The following PTPN3 variants were observed in gnomAD, a reference collection of about 807,000 sequenced individuals.
PTPN3 encodes the protein protein tyrosine phosphatase non-receptor type 3, also known as tyrosine-protein phosphatase non-receptor type 3.
Under a neutral mutation model 132.7 loss-of-function variants are expected in PTPN3, and 96 were observed. The ratio of observed to expected loss-of-function variants is 0.72; its 90% CI spans 0.61 to 0.86. The LOEUF is 0.86. Ranked by LOEUF, PTPN3 falls within the 40% of genes least tolerant of loss-of-function variation. The pLI, the probability that PTPN3 is intolerant of heterozygous loss-of-function variation, is 0.00. For missense variants in PTPN3, 1,125 were observed against 1,159.6 expected, an observed-to-expected ratio of 0.97 and a Z score of 0.43; for synonymous variants, 398 against 429.0, an observed-to-expected ratio of 0.93 and a Z score of 0.89.
At chr9:109,533,606 C>T in the PTPN3 span, 1 of 1,545,234 alleles carries the variant, frequency 6.5e-7, no homozygotes, top group East Asian at 2.2e-5. Context: ...GAATCGTGGT[C>T]TATATCCCTG....
chr9:109,499,195 A>G (rs775072560), upstream of PTPN3, among the ~76,000 whole-genome samples: 5 of 152,086 alleles, frequency 3.3e-5, no homozygotes, highest in East Asian at 1.9e-4. Context: ...TTAGAAAGTG[A>G]TAAGTTCTAA....
the PTPN3 span, among the ~76,000 whole-genome samples, chr9:109,525,987 A>C: frequency 6.6e-6 from 1 of 152,216 alleles, no homozygotes; most frequent in Non-Finnish European, 1.5e-5. Context: ...GAAGTTTATA[A>C]AGTATTTGAT....
At chr9:109,514,421 G>C in the PTPN3 span, among the ~76,000 whole-genome samples, 16 of 152,328 alleles carry the variant, frequency 1.1e-4, no homozygotes, top group South Asian at 3.1e-3. Flanking sequence ...CTTCTCTTGG[G>C]AAGTGAGAAT....
At chr9:109,532,854 C>G in the PTPN3 span, 1 of 1,061,522 alleles carries the variant, frequency 9.4e-7, no homozygotes. Context: ...CCTGCTTAGC[C>G]TCGGGAGCGG....
intron 20 of PTPN3, 115 bp downstream of exon 20, chr9:109,391,356 C>T (rs1388510798): frequency 1.4e-5 from 18 of 1,295,764 alleles, no homozygotes; most frequent in Admixed American, 1.3e-4. Flanking sequence ...GCAATAAAGA[C>T]GGTGGTGTTT....
At chr9:109,456,848 C>T (rs1487146016) in intron 4 of PTPN3, among the ~76,000 whole-genome samples, 3 of 152,168 alleles carry the variant, frequency 2.0e-5, no homozygotes, top group African/African-American at 7.2e-5. Context: ...TCTCTCTTGT[C>T]CACCCTGGCT....
chr9:109,439,940 A>T (rs1008903347), intron 7 of PTPN3, among the ~76,000 whole-genome samples: 3 of 151,902 alleles, frequency 2.0e-5, no homozygotes, highest in Non-Finnish European at 4.4e-5. Context: ...GGAAGATGCA[A>T]AGGTTATGTT....
At chr9:109,391,665 G>C in intron 19 of PTPN3, 104 bp from the exon 20 acceptor site, 4 of 898,482 alleles carry the variant, frequency 4.5e-6, no homozygotes, top group Non-Finnish European at 5.0e-6. Context: ...ACATTTTAAA[G>C]TGATTATGTG....
intron 8 of PTPN3, 92 bp downstream of exon 8, chr9:109,438,021 CA>C (rs1564441649): frequency 2.1e-5 from 29 of 1,396,332 alleles, no homozygotes; most frequent in Non-Finnish European, 2.8e-5. Flanking sequence ...GATTCATGCA[CA>C]AAAGAAAGAG....
At chr9:109,498,633 G>T (rs1489885060), upstream of PTPN3, among the ~76,000 whole-genome samples, 1 of 152,186 alleles carries the variant, frequency 6.6e-6, no homozygotes, top group African/African-American at 2.4e-5. This position sits in a 1 kb window ranked among gnomAD's most constrained non-coding sequence, Gnocchi z 4.2. Flanking sequence ...GAGGAGTCTT[G>T]CACGACGGGT....
chr9:109,449,564 G>A (rs968968419), intron 5 of PTPN3: 2 of 985,398 alleles, frequency 2.0e-6, no homozygotes, highest in Non-Finnish European at 2.4e-6. Context: ...TCTGCCTGGG[G>A]AGCGGGGAAA....
At chr9:109,402,735 G>GA (rs397788010) in intron 19 of PTPN3, among the ~76,000 whole-genome samples, 1 of 288 alleles carries the variant, frequency 3.5e-3, no homozygotes, top group Non-Finnish European at 7.4e-3. Flanking sequence ...ATTTGCATAA[G>GA]TACATAATTT....
chr9:109,433,727 G>A (rs1018114083), intron 9 of PTPN3, among the ~76,000 whole-genome samples: 3 of 152,054 alleles, frequency 2.0e-5, no homozygotes, highest in African/African-American at 7.2e-5. Context: ...GCAACATGGC[G>A]AAACTCTGTC....
At chr9:109,489,279 G>C (rs867301118) in intron 1 of PTPN3, among the ~76,000 whole-genome samples, 5 of 152,192 alleles carry the variant, frequency 3.3e-5, no homozygotes, top group African/African-American at 1.2e-4. Flanking sequence ...GCTGACAAAA[G>C]GCCGGTGTGG....
intron 5 of PTPN3, 73 bp from the exon 6 acceptor site, chr9:109,448,928 A>AG: frequency 1.3e-6 from 2 of 1,535,632 alleles, no homozygotes; most frequent in Non-Finnish European, 1.7e-6. Context: ...AGAAAGTTTG[A>AG]TGAGTCAAAG....
At chr9:109,533,874 C>T in the PTPN3 span, 1 of 769,880 alleles carries the variant, frequency 1.3e-6, no homozygotes, top group South Asian at 1.5e-5. Flanking sequence ...GGTGGAGGAC[C>T]CCTACGACGT....
chr9:109,456,737 A>G (rs565980127), intron 4 of PTPN3, among the ~76,000 whole-genome samples: 2 of 152,260 alleles, frequency 1.3e-5, no homozygotes, highest in Admixed American at 6.5e-5. Context: ...GGAAGACTTA[A>G]TCTTTTATAT....
At chr9:109,466,983 T>G (rs190665114) in intron 1 of PTPN3, among the ~76,000 whole-genome samples, 186 of 152,224 alleles carry the variant, frequency 1.2e-3, no homozygotes, top group Admixed American at 2.2e-3. Context: ...ACCTCCCTTC[T>G]TCCTTAGATA....
intron 5 of PTPN3, chr9:109,449,977 G>T: frequency 1.0e-6 from 1 of 984,562 alleles, no homozygotes; most frequent in Non-Finnish European, 1.2e-6. Context: ...AACTCTGTAA[G>T]GTAGGTACCA....
Sources: allele counts gnomAD v4.1 joint callset (sites outside exome capture counted in the v4.1 genomes callset), GRCh38; gene constraint gnomAD v4.1.1; non-coding constraint Gnocchi (gnomAD v3.1); transcripts MANE v1.5; gene names NCBI Gene and HGNC (gene_info 2026-07-23, HGNC 2026-07-21).